PCDHGA12: variants seen among roughly 807,000 people sequenced by gnomAD.
PCDHGA12 encodes the protein protocadherin gamma-A12.
Under a neutral mutation model 61.1 loss-of-function variants are expected in PCDHGA12, and 43 were observed. The ratio of observed to expected loss-of-function variants is 0.70; its 90% CI spans 0.55 to 0.91. PCDHGA12 has a LOEUF of 0.91. Among genes scored for constraint, PCDHGA12 ranks in the 40% least tolerant of loss-of-function variants. The probability of loss-of-function intolerance (pLI) is 0.00; values close to 1 mark genes in which losing one functional copy is unlikely to be tolerated. For synonymous variants in PCDHGA12, 520 were observed against 542.9 expected (o/e 0.96, Z 0.59); for missense variants, 1,236 against 1,227.7 (o/e 1.01, Z -0.10).
Position 141,476,782 on chromosome 5 carries a change from A to T in PCDHGA12, c.2425-18025A>T. On this transcript the variant is annotated intron_variant, in intron 1 of 3. Coordinates refer to ENST00000252085, the MANE Select transcript of PCDHGA12 (RefSeq NM_003735.3). The surrounding 1 kb of genome is among the most constrained non-coding windows in gnomAD (Gnocchi z 7.6). ...TGACGGCGTTGGACGGAGGGACCCCAGCTCTCTCCGCCAGCCTGCCTATTC... is the reference window on the plus strand; with the variant it reads ...TGACGGCGTTGGACGGAGGGACCCCTGCTCTCTCCGCCAGCCTGCCTATTC... 6.2e-7 allele frequency: 1 copy of T among 1,613,568 alleles called. No individual in the cohort carries two copies. The highest frequency in any genetic ancestry group is 8.5e-7 in the Non-Finnish European group (1 of 1,179,996).
At chr5:141,465,979 G>C (rs779605313) in intron 1 of PCDHGA12, among the ~76,000 whole-genome samples, 26 of 151,846 alleles carry the variant, frequency 1.7e-4, no homozygotes, top group Non-Finnish European at 3.8e-4. Flanking sequence ...AAAATTAGCC[G>C]GGCATGGTGG....
At chr5:141,498,264 C>A (rs1272117057) in intron 2 of PCDHGA12, among the ~76,000 whole-genome samples, 2 of 152,016 alleles carry the variant, frequency 1.3e-5, no homozygotes, top group Admixed American at 1.3e-4. Context: ...GTGTTGAGTT[C>A]TTCAGTAAAC....
chr5:141,443,118 C>A (rs1474257262), intron 1 of PCDHGA12, among the ~76,000 whole-genome samples: 1 of 151,762 alleles, frequency 6.6e-6, no homozygotes, highest in Non-Finnish European at 1.5e-5. Flanking sequence ...GCTTTTCAAA[C>A]CAGATTAAGA....
At chr5:141,448,602 A>G (rs1350132402) in intron 1 of PCDHGA12, among the ~76,000 whole-genome samples, 1 of 152,154 alleles carries the variant, frequency 6.6e-6, no homozygotes, top group Non-Finnish European at 1.5e-5. Flanking sequence ...AAAATACTAT[A>G]CACCACTTTA....
rs918375556 is a variant in PCDHGA12, at chr5:141,489,318, G to C, written c.2425-5489G>C. 6.3e-7 allele frequency: 1 copy of C among 1,598,974 alleles called. No individual in the cohort carries two copies. Among genetic ancestry groups the C allele is most frequent in the African/African-American group, 1.3e-5 (1 of 74,510 alleles). On this transcript the variant is annotated intron_variant, in intron 1 of 3. Coordinates refer to ENST00000252085, the MANE Select transcript of PCDHGA12 (RefSeq NM_003735.3). The surrounding 1 kb of genome is among the most constrained non-coding windows in gnomAD (Gnocchi z 4.5). ...TGTTGTCCTTGTGCTGCTGGGGCTG[G>C]GTGTCTGGGCAGCTTCGTTACTCAG...
Position 141,476,598 on chromosome 5 carries a change from A to G in PCDHGA12, c.2425-18209A>G, listed in dbSNP as rs1222456783. The G allele has an allele frequency of 6.2e-7, 1 of 1,614,238 alleles. No homozygotes were observed. Among genetic ancestry groups the G allele is most frequent in the South Asian group, 1.1e-5 (1 of 91,088 alleles). On this transcript the variant is annotated intron_variant, in intron 1 of 3. Transcript: ENST00000252085. This position sits in a 1 kb window ranked among gnomAD's most constrained non-coding sequence, Gnocchi z 7.6. ...CGCTTTCCGCTCGAGAGCGCGCACG[A>G]TCCCGATGTGGGAAGCAACTCTTTA... is the stretch of plus-strand genomic sequence containing the variant.
At chr5:141,455,103 C>T (rs1319698016) in intron 1 of PCDHGA12, among the ~76,000 whole-genome samples, 1 of 151,862 alleles carries the variant, frequency 6.6e-6, no homozygotes, top group South Asian at 2.1e-4. Flanking sequence ...TGAGCCACTG[C>T]GCCCGGTGGG....
In PCDHGA12 at chr5:141,493,211, G is replaced by C. The variant is rs1312763933; in HGVS notation, c.2425-1596G>C. Reference sequence around the variant, plus strand: ...CTCCTTTGAGAACCTCATCTCATTTGCTCTTCCCACCATTGCTGTTGGCTA... The same window carrying C: ...CTCCTTTGAGAACCTCATCTCATTTCCTCTTCCCACCATTGCTGTTGGCTA... On this transcript the variant is annotated intron_variant, in intron 1 of 3. Transcript: ENST00000252085. The surrounding 1 kb of genome is among the most constrained non-coding windows in gnomAD (Gnocchi z 4.3). 6.6e-6 allele frequency among the ~76,000 whole-genome samples: 1 copy of C among 152,180 alleles called. No individual in the cohort carries two copies. The highest frequency in any genetic ancestry group is 2.4e-5 in the African/African-American group (1 of 41,436).
chr5:141,491,823 C>T lies in PCDHGA12; in HGVS notation c.2425-2984C>T, dbSNP rs1242708273. On this transcript the variant is annotated intron_variant, in intron 1 of 3. Transcript: ENST00000252085. The surrounding 1 kb of genome is among the most constrained non-coding windows in gnomAD (Gnocchi z 6.9). ...GCCGGCTTGGTCGCTGGCTGCGCTC[C>T]ACCCGATTCTCGGGATCATTGGACC... The T allele has an allele frequency of 2.7e-6, 4 of 1,479,038 alleles. No homozygotes were observed. Among genetic ancestry groups the T allele is most frequent in the Non-Finnish European group, 3.6e-6 (4 of 1,115,300 alleles). 91.6% of individuals were successfully genotyped at this position (1,479,038 alleles called of 1,614,324 possible).
Position 141,476,267 on chromosome 5 carries a change from G to A in PCDHGA12, c.2425-18540G>A, listed in dbSNP as rs373758158. The A allele has an allele frequency of 6.8e-6, 11 of 1,613,938 alleles. No homozygotes were observed. Among genetic ancestry groups the A allele is most frequent in the African/African-American group, 1.3e-5 (1 of 74,884 alleles). On this transcript the variant is annotated intron_variant, in intron 1 of 3. Transcript: ENST00000252085. The surrounding 1 kb of genome is among the most constrained non-coding windows in gnomAD (Gnocchi z 7.6). ...GAAGGGTTTCGCTGTGGGCAACGTG[G>A]TCGCGAACCTTGGTTTGGATCTCGG...
chr5:141,453,099 C>CT (rs568622146), intron 1 of PCDHGA12, among the ~76,000 whole-genome samples: 1 of 151,962 alleles, frequency 6.6e-6, no homozygotes, highest in East Asian at 1.9e-4. Flanking sequence ...TTTTCTGTTG[C>CT]TTTTTTGTTT....
chr5:141,485,446 C>A lies in PCDHGA12; in HGVS notation c.2425-9361C>A. On this transcript the variant is annotated intron_variant, in intron 1 of 3. Transcript: ENST00000252085. This position sits in a 1 kb window ranked among gnomAD's most constrained non-coding sequence, Gnocchi z 5.7. ...CCCTGCTCATCAAGAACCCAATCGA[C>A]CGAGAGGCACTGTGTGGGCTCAGTG... is the stretch of plus-strand genomic sequence containing the variant. 6.2e-7 allele frequency: 1 copy of A among 1,614,156 alleles called. No individual in the cohort carries two copies. The highest frequency in any genetic ancestry group is 8.5e-7 in the Non-Finnish European group (1 of 1,180,018).
At chr5:141,467,134 C>T (rs905270517) in intron 1 of PCDHGA12, among the ~76,000 whole-genome samples, 19 of 151,750 alleles carry the variant, frequency 1.3e-4, no homozygotes, top group African/African-American at 4.6e-4. Flanking sequence ...CTCACTGCAA[C>T]CTCTGCCTCC....
At position 141,489,185 on chromosome 5, in the gene PCDHGA12, T is replaced by TCTA; in HGVS notation, c.2425-5620_2425-5618dup. Reference sequence around the variant, plus strand: ...CAGCTGCTGCATTCCAAGCCCTGGGTCTACCTTGGAGACAGGACAGCACAG... The same window carrying TCTA: ...CAGCTGCTGCATTCCAAGCCCTGGGTCTACTACCTTGGAGACAGGACAGCACAG... On this transcript the variant is annotated intron_variant, in intron 1 of 3. Coordinates refer to ENST00000252085, the MANE Select transcript of PCDHGA12 (RefSeq NM_003735.3). This position sits in a 1 kb window ranked among gnomAD's most constrained non-coding sequence, Gnocchi z 4.5. 7.8e-7 allele frequency: 1 copy of TCTA among 1,286,838 alleles called. No homozygotes were observed. The highest frequency in any genetic ancestry group is 1.5e-5 in the South Asian group (1 of 65,798). The allele number at this position is 1,286,838 out of a possible 1,614,324, so 79.7% of individuals were successfully genotyped here.
chr5:141,458,556 T>C (rs1424881453), intron 1 of PCDHGA12, among the ~76,000 whole-genome samples: 1 of 145,670 alleles, frequency 6.9e-6, no homozygotes, highest in Non-Finnish European at 1.5e-5. Flanking sequence ...TTGTTTGTTT[T>C]GGTTTTGGGT....
intron 3 of PCDHGA12, among the ~76,000 whole-genome samples, chr5:141,509,622 T>C (rs2099877603): frequency 6.6e-6 from 1 of 152,186 alleles, no homozygotes; most frequent in Non-Finnish European, 1.5e-5. Flanking sequence ...AACAAGTTCC[T>C]GGGTGATGCT....
Position 141,486,255 on chromosome 5 carries a change from A to G in PCDHGA12, c.2425-8552A>G. 1 of 1,614,028 alleles carries G rather than the reference A, an allele frequency of 6.2e-7. No homozygotes were observed. Reference sequence around the variant, plus strand: ...ACCTCAGAGCTTGGAACCCTCCCCGAGAGTGCAGAACCTGGCACTGTGGTG... The same window carrying G: ...ACCTCAGAGCTTGGAACCCTCCCCGGGAGTGCAGAACCTGGCACTGTGGTG... On this transcript the variant is annotated intron_variant, in intron 1 of 3. Coordinates refer to ENST00000252085, the MANE Select transcript of PCDHGA12 (RefSeq NM_003735.3). This position sits in a 1 kb window ranked among gnomAD's most constrained non-coding sequence, Gnocchi z 5.0.
At chr5:141,453,083 A>G (rs1404530649) in intron 1 of PCDHGA12, among the ~76,000 whole-genome samples, 1 of 152,044 alleles carries the variant, frequency 6.6e-6, no homozygotes, top group African/African-American at 2.4e-5. Flanking sequence ...CTGGTTGATT[A>G]GTATATTTTC....
chr5:141,447,428 G>C (rs542079336), intron 1 of PCDHGA12, among the ~76,000 whole-genome samples: 1 of 152,184 alleles, frequency 6.6e-6, no homozygotes, highest in African/African-American at 2.4e-5. Flanking sequence ...GTGAGCCACC[G>C]CACCCGGAGG....
Sources: allele counts gnomAD v4.1 joint callset (sites outside exome capture counted in the v4.1 genomes callset), GRCh38; gene constraint gnomAD v4.1.1; non-coding constraint Gnocchi (gnomAD v3.1); transcripts MANE v1.5; gene names NCBI Gene and HGNC (gene_info 2026-07-23, HGNC 2026-07-21).